Variants in CACNA2D3 observed in about 807,000 individuals in gnomAD.
CACNA2D3 encodes voltage-dependent calcium channel subunit alpha-2/delta-3.
CACNA2D3 carries 60 observed loss-of-function variants against 160.6 expected under a neutral mutation model. The observed-to-expected ratio is 0.37, with a 90% CI of 0.30 to 0.46. The LOEUF is 0.46. CACNA2D3 is among the 20% of genes least tolerant of loss of function. The probability of loss-of-function intolerance (pLI) is 1.00; values close to 1 mark genes in which losing one functional copy is unlikely to be tolerated. For synonymous variants in CACNA2D3, 558 were observed against 492.9 expected, an observed-to-expected ratio of 1.13 and a Z score of -1.75; for missense variants, 1,205 against 1,365.0, an observed-to-expected ratio of 0.88 and a Z score of 1.85.
intron 2 of CACNA2D3, among the ~76,000 whole-genome samples, chr3:54,223,227 A>C (rs1281471190): frequency 6.6e-6 from 1 of 152,218 alleles, no homozygotes; most frequent in African/African-American, 2.4e-5. Flanking sequence ...AAACATTGTA[A>C]AGTGTACTAA....
rs1703648479 is a variant in CACNA2D3 at position 54,822,782 on chromosome 3, C to CTTTCTTTCT, written c.1398+5920_1398+5921insTTTTCTTTC. The stretch of plus-strand genomic sequence containing the variant: ...TCTTTCTTTCTTTCTTTCTTTCTTT[C>CTTTCTTTCT]TTTCTTTCCTTTCTTTCTTTCTTTC... On this transcript the variant is annotated intron_variant, in intron 14 of 37. Coordinates refer to ENST00000474759, the MANE Select transcript of CACNA2D3 (RefSeq NM_018398.3). 9.0e-5 allele frequency among the ~76,000 whole-genome samples: 7 copies of CTTTCTTTCT among 77,624 alleles called. 1 individual carries two copies. Among genetic ancestry groups the CTTTCTTTCT allele is most frequent in the African/African-American group, 3.8e-4 (7 of 18,602 alleles). The allele number at this position is 77,624 out of a possible 152,430, so 50.9% of individuals were successfully genotyped here.
At chr3:54,814,236 C>T (rs1703399658) in intron 13 of CACNA2D3, among the ~76,000 whole-genome samples, 1 of 152,242 alleles carries the variant, frequency 6.6e-6, no homozygotes, top group East Asian at 1.9e-4. Context: ...AGCCCTTCAT[C>T]CAGCCGTTGC....
intron 10 of CACNA2D3, chr3:54,638,493 G>T (rs1268535140): frequency 1.3e-5 from 2 of 151,966 alleles, no homozygotes; most frequent in Non-Finnish European, 2.9e-5. Flanking sequence ...AGGAGCAGAG[G>T]CTGAGGAAGA....
chr3:54,359,313 T>C (rs1028836608), intron 3 of CACNA2D3, among the ~76,000 whole-genome samples: 8 of 152,144 alleles, frequency 5.3e-5, no homozygotes, highest in East Asian at 1.9e-4. Context: ...AGATAAACTT[T>C]TGGGAGAGCC....
At chr3:54,596,203 C>T (rs1027482824) in intron 9 of CACNA2D3, among the ~76,000 whole-genome samples, 1 of 152,078 alleles carries the variant, frequency 6.6e-6, no homozygotes, top group South Asian at 2.1e-4. Flanking sequence ...CGGTAATCTC[C>T]AGTCCCCGCC....
chr3:54,412,411 C>G (rs1325001456), intron 4 of CACNA2D3, among the ~76,000 whole-genome samples: 1 of 151,722 alleles, frequency 6.6e-6, no homozygotes, highest in African/African-American at 2.4e-5. Context: ...TTTTGAAACT[C>G]TTTTTATTAG....
intron 17 of CACNA2D3, among the ~76,000 whole-genome samples, chr3:54,847,929 A>G (rs989867915): frequency 2.6e-5 from 4 of 152,236 alleles, no homozygotes; most frequent in African/African-American, 9.6e-5. Context: ...AACAGAGTCC[A>G]TGAAACAATC....
chr3:55,074,296 A>C lies in CACNA2D3; in HGVS notation c.*90A>C. ...TGTGAACCAAAATATGGTGCAACAT[A>C]CGAGACATGAATATAGTCCAACCAT... On this transcript the variant is annotated 3_prime_UTR_variant, in exon 38 of 38. Transcript: ENST00000474759. 1.0e-6 allele frequency: 1 copy of C among 997,814 alleles called. No individual in the cohort carries two copies. 61.8% of individuals were successfully genotyped at this position (997,814 alleles called of 1,614,324 possible).
chr3:54,333,907 T>C (rs1321228660), intron 3 of CACNA2D3, among the ~76,000 whole-genome samples: 2 of 152,228 alleles, frequency 1.3e-5, no homozygotes, highest in Admixed American at 6.5e-5. Flanking sequence ...GAGGCAGTTA[T>C]AAGGAGACAA....
intron 2 of CACNA2D3, among the ~76,000 whole-genome samples, chr3:54,255,312 T>C (rs1337287359): frequency 6.6e-6 from 1 of 152,208 alleles, no homozygotes; most frequent in Non-Finnish European, 1.5e-5. Context: ...AGAGCTTTGA[T>C]ACATCAGAGG....
At chr3:54,164,219 C>T (rs545648301) in intron 2 of CACNA2D3, among the ~76,000 whole-genome samples, 1 of 152,296 alleles carries the variant, frequency 6.6e-6, no homozygotes, top group Admixed American at 6.5e-5. Flanking sequence ...CCGGCTGTCC[C>T]CTGCCTTTCC....
At chr3:54,739,751 A>ATGTATGTGTG (rs1553817626) in intron 11 of CACNA2D3, among the ~76,000 whole-genome samples, 4 of 145,958 alleles carry the variant, frequency 2.7e-5, no homozygotes, top group African/African-American at 1.0e-4. Flanking sequence ...CTCCTCATAT[A>ATGTATGTGTG]TGTGTGTGTG....
chr3:54,151,046 A>AATGG (rs1481302195), intron 2 of CACNA2D3, among the ~76,000 whole-genome samples: 1 of 151,386 alleles, frequency 6.6e-6, no homozygotes, highest in African/African-American at 2.4e-5. Flanking sequence ...TGGATGGGTG[A>AATGG]ATGGATGGAT....
rs759925846 is a variant in CACNA2D3 at position 54,756,231 on chromosome 3, CCTT to C, written c.1246+3558_1246+3560del. Among the ~76,000 whole-genome samples, 14 of 152,234 alleles carry C rather than the reference CCTT, an allele frequency of 9.2e-5. No homozygotes were observed. In the East Asian group the frequency reaches 1.2e-3, roughly 13 times the overall value. On this transcript the variant is annotated intron_variant, in intron 12 of 37. Coordinates refer to ENST00000474759, the MANE Select transcript of CACNA2D3 (RefSeq NM_018398.3). The stretch of plus-strand genomic sequence containing the variant: ...TATTTCCCTTCCTACCAGAGTCAGC[CCTT>C]CTTGATCGTTTCATCTTCCTCATTC...
chr3:54,642,292 C>G, intron 11 of CACNA2D3, 51 bp downstream of exon 11: 1 of 1,044,050 alleles, frequency 9.6e-7, no homozygotes, highest in South Asian at 1.6e-5. Context: ...AGAATCTTTA[C>G]TGTAATCTCC....
chr3:54,965,697 C>T (rs956029589), intron 27 of CACNA2D3, among the ~76,000 whole-genome samples: 1 of 152,160 alleles, frequency 6.6e-6, no homozygotes, highest in African/African-American at 2.4e-5. Context: ...GAAAACACTG[C>T]AAACCCCAGA....
At chr3:54,712,723 A>G (rs1035519425) in intron 11 of CACNA2D3, among the ~76,000 whole-genome samples, 2 of 152,058 alleles carry the variant, frequency 1.3e-5, no homozygotes, top group African/African-American at 4.8e-5. Context: ...TGCCTTTTCC[A>G]TTTTCCAGAG....
intron 11 of CACNA2D3, among the ~76,000 whole-genome samples, chr3:54,735,453 C>T (rs1701477499): frequency 6.6e-6 from 1 of 152,224 alleles, no homozygotes; most frequent in Non-Finnish European, 1.5e-5. Flanking sequence ...AAGCTTTGCA[C>T]TGCAGACACA....
chr3:54,896,551 A>T, intron 25 of CACNA2D3, 198 bp from the exon 26 acceptor site: 1 of 554,704 alleles, frequency 1.8e-6, no homozygotes, highest in South Asian at 2.6e-5. Flanking sequence ...TCAGAATTTG[A>T]CTCCCAGAGC....
Sources: allele counts gnomAD v4.1 joint callset (sites outside exome capture counted in the v4.1 genomes callset), GRCh38; gene constraint gnomAD v4.1.1; transcripts MANE v1.5; gene names NCBI Gene and HGNC (gene_info 2026-07-23, HGNC 2026-07-21).